TLE4: variants seen among roughly 807,000 people sequenced by gnomAD.
The protein encoded by TLE4 is transducin-like enhancer protein 4.
A neutral mutation model predicts 92.8 loss-of-function variants in TLE4; 8 were observed. The ratio of observed to expected loss-of-function variants is 0.09; its 90% CI spans 0.05 to 0.16. The LOEUF (loss-of-function observed/expected upper bound fraction) is 0.16, where lower values mean the gene tolerates loss of function less well. Among genes scored for constraint, TLE4 ranks in the 10% least tolerant of loss-of-function variants. TLE4 has a pLI of 1.00. For missense variants in TLE4, 675 were observed against 997.6 expected, an observed-to-expected ratio of 0.68 and a Z score of 4.36; for synonymous variants, 371 against 374.1, an observed-to-expected ratio of 0.99 and a Z score of 0.10.
At position 79,657,381 on chromosome 9, in the gene TLE4, C is replaced by G. The variant is rs1479653554; in HGVS notation, c.609+3306C>G. 4.6e-5 allele frequency among the ~76,000 whole-genome samples: 7 copies of G among 152,198 alleles called. No individual in the cohort carries two copies. In the South Asian group the frequency reaches 6.2e-4, roughly 13 times the overall value. On this transcript the variant is annotated intron_variant, in intron 8 of 19. Coordinates refer to ENST00000376552, the MANE Select transcript of TLE4 (RefSeq NM_007005.6). Reference sequence around the variant, plus strand: ...TTATGTAGTATCAAGAACCATTTCTCTCATCCCTAGAAAAGTCGTAAGTGA... The same window carrying G: ...TTATGTAGTATCAAGAACCATTTCTGTCATCCCTAGAAAAGTCGTAAGTGA...
chr9:79,573,413 G>A (rs1274581067), intron 1 of TLE4: 1 of 1,206,138 alleles, frequency 8.3e-7, no homozygotes. Context: ...CTGGGTGCCT[G>A]TCTTTGGCCG....
chr9:79,646,568 AAAG>A (rs1401933481), intron 6 of TLE4, among the ~76,000 whole-genome samples: 3 of 152,172 alleles, frequency 2.0e-5, no homozygotes, highest in Non-Finnish European at 4.4e-5. Flanking sequence ...ACTTTTATTT[AAAG>A]AAGATGTTTT....
rs1314231110 is a variant in TLE4, at chr9:79,681,856, GTGTGTGTA to G, written c.610-22919_610-22912del. On this transcript the variant is annotated intron_variant, in intron 8 of 19. Coordinates refer to ENST00000376552, the MANE Select transcript of TLE4 (RefSeq NM_007005.6). ...CATGTGTGTGTGTGTGTGTGTGTGTGTGTGTGTATGTGTGTGTGTGTGTAATTTGGTAT... is the reference window on the plus strand; with the variant it reads ...CATGTGTGTGTGTGTGTGTGTGTGTGTGTGTGTGTGTGTGTAATTTGGTAT... Among the ~76,000 whole-genome samples, 848 of 148,134 alleles carry G rather than the reference GTGTGTGTA, an allele frequency of 5.7e-3. 12 individuals carry two copies. Among genetic ancestry groups the G allele is most frequent in the African/African-American group, 0.019 (735 of 38,592 alleles).
chr9:79,631,830 T>G (rs1016377870), intron 6 of TLE4, among the ~76,000 whole-genome samples: 1 of 151,930 alleles, frequency 6.6e-6, no homozygotes, highest in Non-Finnish European at 1.5e-5. Context: ...AGTTTAGCCA[T>G]TAGGCAGAAA....
At chr9:79,616,539 T>A (rs541149704) in intron 5 of TLE4, among the ~76,000 whole-genome samples, 2 of 152,270 alleles carry the variant, frequency 1.3e-5, no homozygotes, top group East Asian at 3.9e-4. Context: ...TGTGAATTGA[T>A]TATCTTCCTC....
In TLE4 at chr9:79,652,743, C is replaced by T; in HGVS notation, c.541C>T (p.His181Tyr). Reference sequence around the variant, plus strand: ...CTCCAGTGCTCTAGGAGGTCAGTCCCATCTTCCAATTAAAGATGAGAAGAA... The same window carrying T: ...CTCCAGTGCTCTAGGAGGTCAGTCCTATCTTCCAATTAAAGATGAGAAGAA... ...ALSSALGGQS[H>Y]LPIKDEKKHH... The change falls in exon 7 of 20, where the codon CAT becomes TAT. Residue 181 changes from histidine (H) to tyrosine (Y), a missense_variant. Around this residue, in one of 5 missense-constraint regions of TLE4, gnomAD observed 280 missense variants for 287.3 expected, o/e 0.97. Transcript: ENST00000376552. 2 of 1,614,164 alleles carry T rather than the reference C, an allele frequency of 1.2e-6. No homozygotes were observed. The highest frequency in any genetic ancestry group is 1.7e-6 in the Non-Finnish European group (2 of 1,180,036).
chr9:79,607,883 C>T (rs1310712286), intron 4 of TLE4, among the ~76,000 whole-genome samples: 2 of 150,580 alleles, frequency 1.3e-5, no homozygotes, highest in Non-Finnish European at 3.0e-5. Context: ...GCAATGCGGG[C>T]TTTTTTTTTG....
chr9:79,695,461 A>G lies in TLE4; in HGVS notation c.610-9322A>G, dbSNP rs762999445. On this transcript the variant is annotated intron_variant, in intron 8 of 19. Transcript: ENST00000376552. ...AATAGTGCATGACCTTTAGGAATGCATAATCTCCTATCTTAATATAATGAA... is the reference window on the plus strand; with the variant it reads ...AATAGTGCATGACCTTTAGGAATGCGTAATCTCCTATCTTAATATAATGAA... Among the ~76,000 whole-genome samples the G allele has an allele frequency of 7.2e-5, 11 of 152,192 alleles. 1 individual carries two copies. The highest frequency in any genetic ancestry group is 1.5e-4 in the Non-Finnish European group (10 of 68,044).
At chr9:79,632,412 G>T (rs578111297) in intron 6 of TLE4, among the ~76,000 whole-genome samples, 1 of 152,032 alleles carries the variant, frequency 6.6e-6, no homozygotes, top group African/African-American at 2.4e-5. Flanking sequence ...TCATAGGCCC[G>T]TACTCCTGTT....
At chr9:79,580,534 G>T (rs888725696) in intron 4 of TLE4, among the ~76,000 whole-genome samples, 8 of 152,126 alleles carry the variant, frequency 5.3e-5, no homozygotes, top group African/African-American at 1.9e-4. Flanking sequence ...TGCTTGCTAT[G>T]AAGTTTGTTG....
intron 8 of TLE4, among the ~76,000 whole-genome samples, chr9:79,659,929 C>A (rs1049904867): frequency 6.6e-6 from 1 of 152,036 alleles, no homozygotes; most frequent in Non-Finnish European, 1.5e-5. Flanking sequence ...AGAACTCTAC[C>A]TTTTTACGGT....
chr9:79,591,144 G>A (rs866743470), intron 4 of TLE4, among the ~76,000 whole-genome samples: 11 of 152,128 alleles, frequency 7.2e-5, no homozygotes, highest in Admixed American at 4.6e-4. Flanking sequence ...TACTTCATTT[G>A]GACCACTGTA....
At chr9:79,595,478 G>C (rs1487434426) in intron 4 of TLE4, among the ~76,000 whole-genome samples, 1 of 152,142 alleles carries the variant, frequency 6.6e-6, no homozygotes, top group African/African-American at 2.4e-5. Flanking sequence ...TTATCTTTTT[G>C]CTGATCGGTA....
In TLE4 at chr9:79,596,082, G is replaced by A. The variant is rs79249914; in HGVS notation, c.253-16574G>A. ...AGGATGGTCTCGATCTCCTGACCTCGTGATCCGCCCGCCCTGGCCTCCCAA... is the reference window on the plus strand; with the variant it reads ...AGGATGGTCTCGATCTCCTGACCTCATGATCCGCCCGCCCTGGCCTCCCAA... On this transcript the variant is annotated intron_variant, in intron 4 of 19. Coordinates refer to ENST00000376552, the MANE Select transcript of TLE4 (RefSeq NM_007005.6). Among the ~76,000 whole-genome samples, 82 of 152,146 alleles carry A rather than the reference G, an allele frequency of 5.4e-4. 3 individuals are homozygous for A. The South Asian group carries it at 0.015, about 28-fold the overall frequency.
chr9:79,609,595 AGT>A (rs1293492532), intron 4 of TLE4, among the ~76,000 whole-genome samples: 1 of 152,072 alleles, frequency 6.6e-6, no homozygotes, highest in Non-Finnish European at 1.5e-5. Flanking sequence ...TGTTTGACAA[AGT>A]GTGGCTGTCA....
intron 4 of TLE4, among the ~76,000 whole-genome samples, chr9:79,606,856 T>G (rs554250804): frequency 6.6e-6 from 1 of 152,322 alleles, no homozygotes; most frequent in South Asian, 2.1e-4. Flanking sequence ...TGTGTCTTTA[T>G]AGTAGCATGA....
chr9:79,704,067 C>T (rs1333388289), intron 8 of TLE4, among the ~76,000 whole-genome samples: 1 of 152,026 alleles, frequency 6.6e-6, no homozygotes, highest in Non-Finnish European at 1.5e-5. Flanking sequence ...ACAAAAAAAC[C>T]TGGCTTTTTC....
At position 79,642,241 on chromosome 9, in the gene TLE4, GA is replaced by G. The variant is rs540386121; in HGVS notation, c.391-10344del. 9.9e-5 allele frequency among the ~76,000 whole-genome samples: 15 copies of G among 150,902 alleles called. 1 individual carries two copies. In the South Asian group the frequency reaches 2.9e-3, roughly 30 times the overall value. Reference sequence around the variant, plus strand: ...AATGCTGCTTTACTTAAAAAAAAAAGAAAAAAAAGAAGAAGAAATTAGAGAT... The same window carrying G: ...AATGCTGCTTTACTTAAAAAAAAAAGAAAAAAAGAAGAAGAAATTAGAGAT... On this transcript the variant is annotated intron_variant, in intron 6 of 19. Coordinates refer to ENST00000376552, the MANE Select transcript of TLE4 (RefSeq NM_007005.6).
chr9:79,705,799 A>C, intron 9 of TLE4, 90 bp from the exon 10 acceptor site: 1 of 1,258,754 alleles, frequency 7.9e-7, no homozygotes, highest in East Asian at 2.3e-5. Context: ...TCATCTTTAT[A>C]AGATATGAGG....
Sources: gnomAD v4.1 joint callset for allele counts (sites outside exome capture counted in the v4.1 genomes callset) on GRCh38, gnomAD v4.1.1 for gene constraint, gnomAD v4.1.1 regional missense constraint, MANE v1.5 for transcripts, NCBI Gene and HGNC (gene_info 2026-07-23, HGNC 2026-07-21) for gene names.